The following LINGO2 variants were observed in gnomAD, a reference collection of about 807,000 sequenced individuals.
LINGO2 encodes the protein leucine rich repeat and Ig domain containing 2, also known as leucine-rich repeat and immunoglobulin-like domain-containing nogo receptor-interacting protein 2.
A neutral mutation model predicts 30.6 loss-of-function variants in LINGO2; 14 were observed. The observed-to-expected ratio is 0.46, with a 90% CI of 0.30 to 0.72. The LOEUF is 0.72. LINGO2 is among the 30% of genes least tolerant of loss of function. LINGO2 has a pLI of 0.07. For missense variants in LINGO2, 729 were observed against 751.7 expected, an observed-to-expected ratio of 0.97 and a Z score of 0.35; for synonymous variants, 317 against 288.5, an observed-to-expected ratio of 1.10 and a Z score of -1.00.
intron 5 of LINGO2, among the ~76,000 whole-genome samples, chr9:27,988,811 C>T (rs541721130): frequency 1.3e-5 from 2 of 152,056 alleles, no homozygotes; most frequent in Admixed American, 1.3e-4. Context: ...CATCCAGTTG[C>T]TCAGAGCAGG....
intron 1 of LINGO2, among the ~76,000 whole-genome samples, chr9:28,627,486 C>G (rs1826734562): frequency 6.6e-6 from 1 of 152,048 alleles, no homozygotes. Context: ...CAACTGATCT[C>G]CTAATGGTCC....
the LINGO2 span, among the ~76,000 whole-genome samples, chr9:29,075,609 C>T: frequency 6.6e-6 from 1 of 152,152 alleles, no homozygotes. Flanking sequence ...AAATACTCAT[C>T]TCATTGGCAA....
intron 4 of LINGO2, among the ~76,000 whole-genome samples, chr9:28,248,115 A>T (rs532446912): frequency 6.6e-6 from 1 of 152,316 alleles, no homozygotes; most frequent in South Asian, 2.1e-4. Context: ...GTATGTATCT[A>T]AAAGAAAGGA....
chr9:28,102,157 G>A (rs1826435983), intron 4 of LINGO2, among the ~76,000 whole-genome samples: 1 of 145,748 alleles, frequency 6.9e-6, no homozygotes, highest in South Asian at 2.2e-4. Flanking sequence ...CAGCTTAGAA[G>A]CAGCCCTGGG....
chr9:28,491,818 G>T (rs1826407540), intron 1 of LINGO2, among the ~76,000 whole-genome samples: 1 of 152,128 alleles, frequency 6.6e-6, no homozygotes, highest in African/African-American at 2.4e-5. Flanking sequence ...AATGGGATTA[G>T]AAATATAATA....
chr9:28,713,630 G>T, the LINGO2 span, among the ~76,000 whole-genome samples: 1 of 152,082 alleles, frequency 6.6e-6, no homozygotes, highest in African/African-American at 2.4e-5. Flanking sequence ...TTTTCCATTA[G>T]AAGGTACTGA....
chr9:28,395,993 A>C (rs1822024863), intron 2 of LINGO2, among the ~76,000 whole-genome samples: 1 of 152,172 alleles, frequency 6.6e-6, no homozygotes, highest in African/African-American at 2.4e-5. Context: ...AAATGTTAAA[A>C]ATAGGAGTAT....
chr9:28,501,077 G>A (rs1819863693), intron 1 of LINGO2, among the ~76,000 whole-genome samples: 1 of 151,866 alleles, frequency 6.6e-6, no homozygotes, highest in Non-Finnish European at 1.5e-5. Flanking sequence ...ATTGCTAAAG[G>A]ATATATACTA....
chr9:28,225,460 G>A (rs996767540), intron 4 of LINGO2, among the ~76,000 whole-genome samples: 2 of 151,978 alleles, frequency 1.3e-5, no homozygotes, highest in Non-Finnish European at 2.9e-5. Flanking sequence ...CAGATTGTAT[G>A]AGAATTGTAA....
At chr9:28,030,840 A>G (rs1405726589) in intron 4 of LINGO2, among the ~76,000 whole-genome samples, 6 of 147,690 alleles carry the variant, frequency 4.1e-5, no homozygotes, top group Non-Finnish European at 7.5e-5. Flanking sequence ...GGAAAAACAA[A>G]AAAAGCAGAC....
chr9:28,423,974 C>A (rs1040415785), intron 2 of LINGO2, among the ~76,000 whole-genome samples: 1 of 152,078 alleles, frequency 6.6e-6, no homozygotes, highest in African/African-American at 2.4e-5. Context: ...TGAAGTGCCT[C>A]ACTCAGAGGG....
chr9:28,796,513 C>G, the LINGO2 span, among the ~76,000 whole-genome samples: 1 of 151,590 alleles, frequency 6.6e-6, no homozygotes. Context: ...AATTTTATGA[C>G]GAAAATTAGC....
At chr9:28,793,109 C>G in the LINGO2 span, among the ~76,000 whole-genome samples, 2 of 152,050 alleles carry the variant, frequency 1.3e-5, no homozygotes, top group Non-Finnish European at 2.9e-5. Context: ...AATCCAATAT[C>G]TTTACTTTAA....
chr9:28,338,215 T>C (rs1825652380), intron 3 of LINGO2, among the ~76,000 whole-genome samples: 1 of 152,296 alleles, frequency 6.6e-6, no homozygotes, highest in Middle Eastern at 3.4e-3. Context: ...GTTTTGACCT[T>C]TAATATTTGA....
At chr9:28,157,903 C>T (rs1828179936) in intron 4 of LINGO2, among the ~76,000 whole-genome samples, 1 of 152,138 alleles carries the variant, frequency 6.6e-6, no homozygotes. Context: ...TCAATATCAG[C>T]ATTTTGGTCA....
At chr9:28,575,946 A>ACACACT (rs1036250807) in intron 1 of LINGO2, among the ~76,000 whole-genome samples, 1 of 151,794 alleles carries the variant, frequency 6.6e-6, no homozygotes, top group Non-Finnish European at 1.5e-5. Context: ...ACACACACAC[A>ACACACT]CACACATACA....
intron 1 of LINGO2, among the ~76,000 whole-genome samples, chr9:28,551,327 C>G (rs904527612): frequency 4.0e-5 from 6 of 151,604 alleles, no homozygotes; most frequent in Admixed American, 6.6e-5. Flanking sequence ...CCATCAATCT[C>G]TCTGTGAAAT....
rs1241130302 is a variant in LINGO2, at chr9:28,148,489, C to A, written c.-86-136084G>T. The A allele has an allele frequency of 1.4e-6, 2 of 1,443,880 alleles. No individual in the cohort carries two copies. Among genetic ancestry groups the A allele is most frequent in the Non-Finnish European group, 1.9e-6 (2 of 1,064,470 alleles). The allele number at this position is 1,443,880 out of a possible 1,614,324, so 89.4% of individuals were successfully genotyped here. A position where few individuals can be genotyped will look rare whatever the true frequency, so the allele number is the denominator to read the frequency against. On this transcript the variant is annotated intron_variant, in intron 4 of 5. Transcript: ENST00000379992. The surrounding 1 kb of genome is among the most constrained non-coding windows in gnomAD (Gnocchi z 5.1). ...CGGAGGTGACAGACCAGGTAGAGAC[C>A]CAGGGGCAGGAGGACAATAAAAGGG...
chr9:28,068,359 T>A (rs1384362974), intron 4 of LINGO2, among the ~76,000 whole-genome samples: 1 of 152,136 alleles, frequency 6.6e-6, no homozygotes, highest in African/African-American at 2.4e-5. Flanking sequence ...GCCTCTTCTT[T>A]GTGTGCACAT....
Sources: gnomAD v4.1 joint callset for allele counts (sites outside exome capture counted in the v4.1 genomes callset) on GRCh38, gnomAD v4.1.1 for gene constraint, Gnocchi (gnomAD v3.1) non-coding constraint, MANE v1.5 for transcripts, NCBI Gene and HGNC (gene_info 2026-07-23, HGNC 2026-07-21) for gene names.